The following CSRNP3 variants were observed in gnomAD, a reference collection of about 807,000 sequenced individuals.
CSRNP3 encodes the protein cysteine and serine rich nuclear protein 3, also known as cysteine/serine-rich nuclear protein 3.
A neutral mutation model predicts 48.0 loss-of-function variants in CSRNP3; 12 were observed. That is an observed-to-expected ratio of 0.25 (90% CI 0.16 to 0.41). CSRNP3 has a LOEUF of 0.41. Among genes scored for constraint, CSRNP3 ranks in the 10% least tolerant of loss-of-function variants. CSRNP3 has a pLI of 1.00. For missense variants in CSRNP3, 580 were observed against 724.4 expected, an observed-to-expected ratio of 0.80 and a Z score of 2.29; for synonymous variants, 263 against 269.7, an observed-to-expected ratio of 0.98 and a Z score of 0.24.
chr2:165,653,281 T>C (rs1686944805), intron 4 of CSRNP3, among the ~76,000 whole-genome samples: 1 of 152,202 alleles, frequency 6.6e-6, no homozygotes, highest in South Asian at 2.1e-4. Flanking sequence ...TCCTTTTAAA[T>C]AGATTCCATA....
At chr2:165,593,940 T>C (rs1685767596) in intron 3 of CSRNP3, among the ~76,000 whole-genome samples, 3 of 152,172 alleles carry the variant, frequency 2.0e-5, no homozygotes, top group African/African-American at 7.2e-5. Flanking sequence ...CCTTATCTGA[T>C]GGGTCACAGT....
At chr2:165,651,884 A>C (rs6741605) in intron 4 of CSRNP3, among the ~76,000 whole-genome samples, 3 of 151,724 alleles carry the variant, frequency 2.0e-5, no homozygotes, top group Non-Finnish European at 4.4e-5. Flanking sequence ...TTGAACTCCC[A>C]ACCTCAGGTG....
intron 4 of CSRNP3, among the ~76,000 whole-genome samples, chr2:165,629,271 C>A (rs1686492620): frequency 6.6e-6 from 1 of 152,190 alleles, no homozygotes; most frequent in Non-Finnish European, 1.5e-5. Flanking sequence ...GACATCACTC[C>A]CTCTTTCCTG....
At chr2:165,527,365 C>T (rs1166681080) in intron 3 of CSRNP3, among the ~76,000 whole-genome samples, 1 of 151,700 alleles carries the variant, frequency 6.6e-6, no homozygotes, top group African/African-American at 2.4e-5. Flanking sequence ...ACCACCACGC[C>T]CAGCTAATTT....
intron 3 of CSRNP3, among the ~76,000 whole-genome samples, chr2:165,540,367 A>T (rs143015013): frequency 3.7e-3 from 568 of 152,198 alleles, no homozygotes; most frequent in Middle Eastern, 0.01. Context: ...CTGAGACAGA[A>T]GCTTATAAAG....
At chr2:165,526,295 A>G (rs1254192267) in intron 3 of CSRNP3, among the ~76,000 whole-genome samples, 3 of 152,188 alleles carry the variant, frequency 2.0e-5, no homozygotes, top group Admixed American at 6.5e-5. Flanking sequence ...AAATTTACCT[A>G]TGCACATTAG....
intron 3 of CSRNP3, among the ~76,000 whole-genome samples, chr2:165,542,010 A>T (rs930571878): frequency 3.9e-5 from 6 of 152,178 alleles, no homozygotes; most frequent in African/African-American, 1.4e-4. Context: ...TCACCACAGC[A>T]CTGTCCATGC....
In CSRNP3 at chr2:165,542,413, C is replaced by T. The variant is rs79427613; in HGVS notation, c.-24+24452C>T. 5.4e-3 allele frequency among the ~76,000 whole-genome samples: 817 copies of T among 152,214 alleles called. 3 individuals are homozygous for T. The highest frequency in any genetic ancestry group is 9.4e-3 in the Non-Finnish European group (642 of 68,014). On this transcript the variant is annotated intron_variant, in intron 3 of 6. Transcript: ENST00000651982. ...GAAGATGCATGTCTGTACGTGTGTACGTATGAGTGTAAGCATATATGTACA... is the reference window on the plus strand; with the variant it reads ...GAAGATGCATGTCTGTACGTGTGTATGTATGAGTGTAAGCATATATGTACA...
chr2:165,625,443 T>C (rs1417631644), intron 4 of CSRNP3, among the ~76,000 whole-genome samples: 1 of 147,130 alleles, frequency 6.8e-6, no homozygotes, highest in Non-Finnish European at 1.5e-5. Context: ...CCTGGCAACA[T>C]GGCAAAACCC....
At chr2:165,525,901 G>A (rs995097563) in intron 3 of CSRNP3, among the ~76,000 whole-genome samples, 17 of 152,044 alleles carry the variant, frequency 1.1e-4, no homozygotes, top group African/African-American at 4.1e-4. Context: ...TGATCTGTTT[G>A]GGGTTAATTT....
intron 2 of CSRNP3, among the ~76,000 whole-genome samples, chr2:165,501,562 C>T (rs761551362): frequency 1.3e-5 from 2 of 152,066 alleles, no homozygotes; most frequent in Admixed American, 6.6e-5. Flanking sequence ...ATCAGAATAG[C>T]GAGTGTTATT....
At chr2:165,600,082 GCTCCCCCCACCCCA>G (rs1685888749) in intron 4 of CSRNP3, among the ~76,000 whole-genome samples, 1 of 123,510 alleles carries the variant, frequency 8.1e-6, no homozygotes, top group South Asian at 3.0e-4. Context: ...ATCCCTCCCC[GCTCCCCCCACCCCA>G]CAACAGTCCC....
chr2:165,482,003 C>G (rs1684050190), intron 1 of CSRNP3, among the ~76,000 whole-genome samples: 1 of 151,946 alleles, frequency 6.6e-6, no homozygotes, highest in Non-Finnish European at 1.5e-5. Flanking sequence ...GGAGATGGGA[C>G]CATGCATACA....
chr2:165,574,114 C>CG (rs1685411279), intron 3 of CSRNP3: 1 of 476,716 alleles, frequency 2.1e-6, no homozygotes. Flanking sequence ...TGTATTCCTG[C>CG]TCTCCCGTGA....
At chr2:165,546,640 G>A (rs959619106) in intron 3 of CSRNP3, among the ~76,000 whole-genome samples, 2 of 152,182 alleles carry the variant, frequency 1.3e-5, no homozygotes, top group African/African-American at 4.8e-5. Flanking sequence ...GACTTAAAGA[G>A]TGTTTTTAAT....
At chr2:165,634,297 A>G (rs1236938522) in intron 4 of CSRNP3, among the ~76,000 whole-genome samples, 1 of 152,090 alleles carries the variant, frequency 6.6e-6, no homozygotes, top group Non-Finnish European at 1.5e-5. Context: ...CTGAGATCGC[A>G]CCACTGCACT....
At chr2:165,673,298 T>C (rs973133352) in intron 5 of CSRNP3, among the ~76,000 whole-genome samples, 1 of 151,816 alleles carries the variant, frequency 6.6e-6, no homozygotes, top group Non-Finnish European at 1.5e-5. Context: ...CCTCCATGCC[T>C]GGCTAATTTT....
intron 3 of CSRNP3, among the ~76,000 whole-genome samples, chr2:165,552,693 T>C (rs920579703): frequency 1.3e-5 from 2 of 152,072 alleles, no homozygotes; most frequent in African/African-American, 4.8e-5. Context: ...ATAATTTATC[T>C]ATTTTTTATT....
At chr2:165,627,088 T>C (rs1233884290) in intron 4 of CSRNP3, among the ~76,000 whole-genome samples, 1 of 152,190 alleles carries the variant, frequency 6.6e-6, no homozygotes, top group Non-Finnish European at 1.5e-5. Flanking sequence ...TGGTCCCTGC[T>C]GGTTATCTTA....
Sources: allele counts gnomAD v4.1 joint callset (sites outside exome capture counted in the v4.1 genomes callset), GRCh38; gene constraint gnomAD v4.1.1; transcripts MANE v1.5; gene names NCBI Gene and HGNC (gene_info 2026-07-23, HGNC 2026-07-21).